Variants in FHOD3 observed in about 807,000 individuals in gnomAD.
FHOD3 encodes FH1/FH2 domain-containing protein 3.
A neutral mutation model predicts 173.0 loss-of-function variants in FHOD3; 90 were observed. The ratio of observed to expected loss-of-function variants is 0.52; its 90% CI spans 0.44 to 0.62. The LOEUF (loss-of-function observed/expected upper bound fraction) is 0.62, where lower values mean the gene tolerates loss of function less well. FHOD3 is among the 20% of genes least tolerant of loss of function. The pLI, the probability that FHOD3 is intolerant of heterozygous loss-of-function variation, is 0.00. For missense variants in FHOD3, 1,945 were observed against 2,034.7 expected, an observed-to-expected ratio of 0.96 and a Z score of 0.85; for synonymous variants, 828 against 823.0, an observed-to-expected ratio of 1.01 and a Z score of -0.10.
intron 17 of FHOD3, among the ~76,000 whole-genome samples, chr18:36,701,390 A>G (rs1454620154): frequency 5.9e-5 from 9 of 152,210 alleles, no homozygotes; most frequent in Admixed American, 5.2e-4. Context: ...TGTTATCAAT[A>G]TGAGAATAAT....
chr18:36,410,225 T>C (rs571613581), intron 3 of FHOD3, among the ~76,000 whole-genome samples: 1 of 152,342 alleles, frequency 6.6e-6, no homozygotes, highest in African/African-American at 2.4e-5. Context: ...TCTGTGGATT[T>C]GCCTATTCTA....
At chr18:36,601,524 A>G (rs559581446) in intron 7 of FHOD3, among the ~76,000 whole-genome samples, 1 of 152,284 alleles carries the variant, frequency 6.6e-6, no homozygotes, top group Admixed American at 6.5e-5. Context: ...ACTATATGCC[A>G]GGCACTGTCC....
chr18:36,512,676 C>A, intron 5 of FHOD3, 133 bp downstream of exon 5: 7 of 602,742 alleles, frequency 1.2e-5, no homozygotes, highest in South Asian at 5.7e-5. Flanking sequence ...CACCCTTTGG[C>A]AAAAAAACAT....
intron 3 of FHOD3, among the ~76,000 whole-genome samples, chr18:36,387,155 G>A (rs987444875): frequency 5.3e-5 from 8 of 152,148 alleles, no homozygotes; most frequent in African/African-American, 1.9e-4. Flanking sequence ...GTGGGCAGAA[G>A]GTGTTGGTTC....
intron 5 of FHOD3, among the ~76,000 whole-genome samples, chr18:36,554,714 A>T (rs1317767411): frequency 1.3e-5 from 2 of 152,182 alleles, no homozygotes; most frequent in Non-Finnish European, 2.9e-5. Flanking sequence ...AGTCCTAGCG[A>T]TCCCTTTCTG....
At position 36,659,101 on chromosome 18, in the gene FHOD3, A is replaced by T. The variant is rs141143316; in HGVS notation, c.1835+913A>T. Reference sequence around the variant, plus strand: ...AAAGCAACCTGCGTTCCACATTTAGATCCTCTTCTATGTGTATTCTGAAGT... The same window carrying T: ...AAAGCAACCTGCGTTCCACATTTAGTTCCTCTTCTATGTGTATTCTGAAGT... On this transcript the variant is annotated intron_variant, in intron 14 of 28. Coordinates refer to ENST00000590592, the MANE Select transcript of FHOD3 (RefSeq NM_001281740.3). Among the ~76,000 whole-genome samples, 11 of 152,244 alleles carry T rather than the reference A, an allele frequency of 7.2e-5. No homozygotes were observed. In the East Asian group the frequency reaches 1.9e-3, roughly 27 times the overall value.
rs1598689878 is a variant in FHOD3 at position 36,318,390 on chromosome 18, CTT to C, written c.165+20393_165+20394del. ...ATGTTCTTCCATTTGTTTGTGTACT[CTT>C]TTATTTCATTGAGCAGTGGTTTGTA... On this transcript the variant is annotated intron_variant, in intron 1 of 28. Transcript: ENST00000590592. 8.5e-5 allele frequency among the ~76,000 whole-genome samples: 13 copies of C among 152,260 alleles called. No homozygotes were observed. The East Asian group carries it at 2.3e-3, about 27-fold the overall frequency.
At chr18:36,548,608 C>G (rs1001135914) in intron 5 of FHOD3, among the ~76,000 whole-genome samples, 1 of 152,216 alleles carries the variant, frequency 6.6e-6, no homozygotes, top group Non-Finnish European at 1.5e-5. Flanking sequence ...CATCCCTTCC[C>G]CAGGCAACCA....
intron 3 of FHOD3, among the ~76,000 whole-genome samples, chr18:36,393,244 G>T (rs1009646022): frequency 6.6e-6 from 1 of 152,208 alleles, no homozygotes; most frequent in Non-Finnish European, 1.5e-5. Flanking sequence ...TCTGAATCTG[G>T]TGTGGCATGC....
chr18:36,377,201 C>T (rs2047485702), intron 3 of FHOD3, among the ~76,000 whole-genome samples: 2 of 152,208 alleles, frequency 1.3e-5, no homozygotes, highest in African/African-American at 4.8e-5. Context: ...TTCCCAGACC[C>T]TTTCCAGGTT....
chr18:36,569,066 CA>C (rs1165144428), intron 5 of FHOD3, among the ~76,000 whole-genome samples: 1 of 151,868 alleles, frequency 6.6e-6, no homozygotes, highest in African/African-American at 2.4e-5. Flanking sequence ...ATACAATAAC[CA>C]AAGTAAAAAG....
chr18:36,748,546 G>C (rs1015497145), intron 24 of FHOD3, among the ~76,000 whole-genome samples: 1 of 152,140 alleles, frequency 6.6e-6, no homozygotes, highest in Non-Finnish European at 1.5e-5. Context: ...CAGTTTGGTG[G>C]TGTGTCTATT....
At chr18:36,568,687 A>G (rs2058358055) in intron 5 of FHOD3, among the ~76,000 whole-genome samples, 1 of 152,222 alleles carries the variant, frequency 6.6e-6, no homozygotes, top group Non-Finnish European at 1.5e-5. Context: ...ACAGGTCAGA[A>G]CTTGTGACTC....
intron 20 of FHOD3, among the ~76,000 whole-genome samples, chr18:36,733,310 C>G (rs1215882213): frequency 2.0e-5 from 3 of 152,190 alleles, no homozygotes; most frequent in Admixed American, 2.0e-4. Context: ...TGACTGAACT[C>G]CCACATCTCT....
chr18:36,300,359 A>C (rs932535640), intron 1 of FHOD3, among the ~76,000 whole-genome samples: 3 of 152,240 alleles, frequency 2.0e-5, no homozygotes, highest in African/African-American at 7.2e-5. Flanking sequence ...TCAAGGGCCA[A>C]GCACTTTTAG....
chr18:36,447,558 G>A (rs1292941181), intron 3 of FHOD3, among the ~76,000 whole-genome samples: 7 of 152,144 alleles, frequency 4.6e-5, no homozygotes, highest in African/African-American at 1.4e-4. Flanking sequence ...AACTTTGTGT[G>A]GTGTGGACCA....
In FHOD3 at chr18:36,297,743, C is replaced by A. The variant is rs1227793192; in HGVS notation, c.-93C>A. On this transcript the variant is annotated 5_prime_UTR_variant, in exon 1 of 29. Coordinates refer to ENST00000590592, the MANE Select transcript of FHOD3 (RefSeq NM_001281740.3). ...TGCGAGTCCGCGAGCCAGCGAGCTG[C>A]GGCTGCGGCCTCCCCTGCGCGCAGC... The A allele has an allele frequency of 1.9e-6, 2 of 1,026,900 alleles. No homozygotes were observed. The highest frequency in any genetic ancestry group is 2.5e-6 in the Non-Finnish European group (2 of 802,168). The allele number at this position is 1,026,900 out of a possible 1,614,324, so 63.6% of individuals were successfully genotyped here. A position where few individuals can be genotyped will look rare whatever the true frequency, so the allele number is the denominator to read the frequency against.
At chr18:36,309,610 G>A (rs968613475) in intron 1 of FHOD3, among the ~76,000 whole-genome samples, 7 of 152,220 alleles carry the variant, frequency 4.6e-5, no homozygotes, top group African/African-American at 1.2e-4. Flanking sequence ...CAGTCCGGGA[G>A]CGGCTAGTGT....
Position 36,760,780 on chromosome 18 carries a change from G to A in FHOD3, c.4622G>A (p.Arg1541Gln), listed in dbSNP as rs906658191. The change falls in exon 27 of 29, where the codon CGA (arginine) becomes CAA (glutamine). Residue 1541 changes from arginine (R) to glutamine (Q), a missense_variant and splice_region_variant. Physicochemically the swap from Arg to Gln is conservative, Grantham distance 43 (BLOSUM62 1). Around this residue, in one of 5 missense-constraint regions of FHOD3, gnomAD observed 354 missense variants for 359.9 expected, o/e 0.98. Transcript: ENST00000590592. The part of the protein sequence containing the change: ...LGVRTRSRAS[R>Q]GSTSSWTMGT... The stretch of plus-strand genomic sequence containing the variant: ...GTCCGCACACGCAGCCGAGCAAGCC[G>A]AGGTAACTCCTGGCTGCGCGGGGCT... 6.2e-7 allele frequency: 1 copy of A among 1,609,028 alleles called. No individual in the cohort carries two copies. The highest frequency in any genetic ancestry group is 1.7e-5 in the Admixed American group (1 of 59,834).
Sources: allele counts gnomAD v4.1 joint callset (sites outside exome capture counted in the v4.1 genomes callset), GRCh38; gene constraint gnomAD v4.1.1; regional missense constraint gnomAD v4.1.1; transcripts MANE v1.5; gene names NCBI Gene and HGNC (gene_info 2026-07-23, HGNC 2026-07-21).